Variants in ADGRL3 observed in about 807,000 individuals in gnomAD.
ADGRL3 encodes calcium-independent alpha-latrotoxin receptor 3.
ADGRL3 carries 62 observed loss-of-function variants against 153.5 expected under a neutral mutation model. The observed-to-expected ratio is 0.40, with a 90% CI of 0.33 to 0.50. ADGRL3 has a LOEUF of 0.50. ADGRL3 is among the 20% of genes least tolerant of loss of function. The pLI is 0.47. For synonymous variants in ADGRL3, 710 were observed against 672.5 expected (o/e 1.06, Z -0.86); for missense variants, 1,641 against 1,859.4 (o/e 0.88, Z 2.16).
At chr4:61,311,308 A>G (rs952815648) in intron 1 of ADGRL3, among the ~76,000 whole-genome samples, 2 of 152,172 alleles carry the variant, frequency 1.3e-5, no homozygotes, top group Non-Finnish European at 2.9e-5. Context: ...CTTCTGGAAT[A>G]TATGGCTTCT....
chr4:61,215,818 C>CCG (rs1742507564), intron 1 of ADGRL3, among the ~76,000 whole-genome samples: 1 of 152,038 alleles, frequency 6.6e-6, no homozygotes, highest in Non-Finnish European at 1.5e-5. Flanking sequence ...TCCCAAAGTG[C>CCG]TGGGATTACA....
At chr4:61,540,448 C>G (rs2098683026) in intron 4 of ADGRL3, among the ~76,000 whole-genome samples, 1 of 151,882 alleles carries the variant, frequency 6.6e-6, no homozygotes, top group East Asian at 1.9e-4. Flanking sequence ...ATCCGGGAGG[C>G]TGAGGTAGGA....
At chr4:61,246,485 G>A (rs1355600667) in intron 1 of ADGRL3, among the ~76,000 whole-genome samples, 6 of 151,990 alleles carry the variant, frequency 3.9e-5, no homozygotes, top group African/African-American at 1.2e-4. Context: ...AGTTATTTTT[G>A]TATACCCAAA....
chr4:61,278,395 A>G (rs1240489398), intron 1 of ADGRL3, among the ~76,000 whole-genome samples: 3 of 152,244 alleles, frequency 2.0e-5, no homozygotes, highest in African/African-American at 4.8e-5. Flanking sequence ...GAAAACGACT[A>G]AAACGTTTTC....
chr4:61,240,188 C>T (rs754361474), intron 1 of ADGRL3, among the ~76,000 whole-genome samples: 2 of 152,076 alleles, frequency 1.3e-5, no homozygotes, highest in Admixed American at 6.6e-5. Flanking sequence ...AGGGTGAATA[C>T]TGTATCCTCA....
rs1265685632 is a variant in ADGRL3, at chr4:62,023,905, A to G, written c.3396-4950A>G. The stretch of plus-strand genomic sequence containing the variant: ...TCAGGTATGCCTGCATCTTATTTGC[A>G]TGCAACCTACCAATTCATTTTTGTA... On this transcript the variant is annotated intron_variant, in intron 21 of 26. Transcript: ENST00000683033. 5.2e-5 allele frequency among the ~76,000 whole-genome samples: 5 copies of G among 96,300 alleles called. No individual in the cohort carries two copies. In the Admixed American group the frequency reaches 5.7e-4, roughly 11 times the overall value. 63.2% of individuals were successfully genotyped at this position (96,300 alleles called of 152,430 possible). A position where few individuals can be genotyped will look rare whatever the true frequency, so the allele number is the denominator to read the frequency against.
intron 5 of ADGRL3, among the ~76,000 whole-genome samples, chr4:61,654,742 C>G (rs1424178180): frequency 6.6e-6 from 1 of 151,652 alleles, no homozygotes. Context: ...ACTAAAAATA[C>G]AAAAATTAGC....
At chr4:62,000,153 T>C (rs2099135275) in intron 21 of ADGRL3, among the ~76,000 whole-genome samples, 1 of 151,744 alleles carries the variant, frequency 6.6e-6, no homozygotes, top group South Asian at 2.1e-4. Context: ...ATATTATGTA[T>C]TTAAATACTA....
intron 1 of ADGRL3, among the ~76,000 whole-genome samples, chr4:61,324,004 G>C (rs1418539317): frequency 6.6e-6 from 1 of 152,204 alleles, no homozygotes; most frequent in African/African-American, 2.4e-5. Context: ...CATGGTGGAA[G>C]GTAAGGAGGA....
At chr4:61,972,820 G>A (rs112589459) in intron 17 of ADGRL3, among the ~76,000 whole-genome samples, 2 of 151,660 alleles carry the variant, frequency 1.3e-5, no homozygotes, top group East Asian at 1.9e-4. Flanking sequence ...TGTTTGTATC[G>A]AAGAGGCAAT....
At position 61,909,761 on chromosome 4, in the gene ADGRL3, ATGTGTGTGTGTGTGTGTGTGTGTGTG is replaced by A; in HGVS notation, c.2073+32_2073+57del. 2 of 1,194,548 alleles carry A rather than the reference ATGTGTGTGTGTGTGTGTGTGTGTGTG, an allele frequency of 1.7e-6. No individual in the cohort carries two copies. The highest frequency in any genetic ancestry group is 2.3e-6 in the Non-Finnish European group (2 of 868,084). The allele number at this position is 1,194,548 out of a possible 1,614,324, so 74.0% of individuals were successfully genotyped here. ...TTTGAACAAGGTAAGGACCCTAATTATGTGTGTGTGTGTGTGTGTGTGTGTGTGTGTGTGTGTGTGTCTTTAAAGTT... is the reference window on the plus strand; with the variant it reads ...TTTGAACAAGGTAAGGACCCTAATTATGTGTGTGTGTGTGTCTTTAAAGTT... On this transcript the variant is annotated intron_variant, in intron 12 of 26. Transcript: ENST00000683033.
chr4:61,710,400 G>A (rs1234191418), intron 6 of ADGRL3, among the ~76,000 whole-genome samples: 2 of 152,068 alleles, frequency 1.3e-5, no homozygotes, highest in Non-Finnish European at 2.9e-5. Context: ...ACTTCACTTT[G>A]GAATGTCCCT....
rs527308051 is a variant in ADGRL3, at chr4:61,244,751, G to T, written c.-240+42986G>T. On this transcript the variant is annotated intron_variant, in intron 1 of 26. Coordinates refer to ENST00000683033, the MANE Select transcript of ADGRL3 (RefSeq NM_001387552.1). ...AAATAGGAATGATATTAGGAATCTC[G>T]AATAGTGGGTCAGAGAAGTAGACAA... 7.9e-5 allele frequency among the ~76,000 whole-genome samples: 12 copies of T among 151,948 alleles called. 1 individual carries two copies. The highest frequency in any genetic ancestry group is 2.9e-4 in the African/African-American group (12 of 41,398).
chr4:61,721,476 C>A (rs1415904191), intron 6 of ADGRL3, among the ~76,000 whole-genome samples: 1 of 152,316 alleles, frequency 6.6e-6, no homozygotes, highest in Admixed American at 6.5e-5. Context: ...CTCTTTCCAA[C>A]TTCTGCCTGC....
At chr4:62,035,812 C>T (rs899034761) in intron 23 of ADGRL3, among the ~76,000 whole-genome samples, 4 of 152,066 alleles carry the variant, frequency 2.6e-5, no homozygotes, top group Non-Finnish European at 4.4e-5. Flanking sequence ...TAAGGCACAT[C>T]GCTTGACTTT....
intron 4 of ADGRL3, among the ~76,000 whole-genome samples, chr4:61,545,793 G>A (rs1247391568): frequency 6.6e-6 from 1 of 152,186 alleles, no homozygotes; most frequent in African/African-American, 2.4e-5. Flanking sequence ...GGGATTACAG[G>A]CGTAAGCTAC....
At chr4:62,012,199 A>G (rs2099189709) in intron 21 of ADGRL3, among the ~76,000 whole-genome samples, 1 of 152,160 alleles carries the variant, frequency 6.6e-6, no homozygotes, top group African/African-American at 2.4e-5. Flanking sequence ...GAAGTTAAAC[A>G]TTCCACTGTA....
chr4:62,070,617 C>G lies in ADGRL3; in HGVS notation c.4341C>G (p.Pro1447=), dbSNP rs548907641. 1.3e-6 allele frequency: 2 copies of G among 1,551,702 alleles called. No homozygotes were observed. Among genetic ancestry groups the G allele is most frequent in the African/African-American group, 1.4e-5 (1 of 73,076 alleles). Residue 1447 remains proline (P), a synonymous_variant, in exon 27 of 27, where the codon CCC becomes CCG. Transcript: ENST00000683033. ...TNEHTEDLQS[P]HRDSLYTSMP... The stretch of plus-strand genomic sequence containing the variant: ...AGCACACAGAAGATCTCCAGTCACC[C>G]CATAGAGACTCTCTCTATACCAGCA...
chr4:61,714,375 AACACAC>A (rs536622577), intron 6 of ADGRL3, among the ~76,000 whole-genome samples: 1 of 147,400 alleles, frequency 6.8e-6, no homozygotes, highest in African/African-American at 2.5e-5. Flanking sequence ...CACACACACA[AACACAC>A]ACACACACAC....
Sources: gnomAD v4.1 joint callset for allele counts (sites outside exome capture counted in the v4.1 genomes callset) on GRCh38, gnomAD v4.1.1 for gene constraint, MANE v1.5 for transcripts, NCBI Gene and HGNC (gene_info 2026-07-23, HGNC 2026-07-21) for gene names.